The following DOK6 variants were observed in gnomAD, a reference collection of about 807,000 sequenced individuals.
The protein encoded by DOK6 is downstream of tyrosine kinase 6.
Under a neutral mutation model 44.0 loss-of-function variants are expected in DOK6, and 22 were observed. The ratio of observed to expected loss-of-function variants is 0.50; its 90% CI spans 0.36 to 0.71. The LOEUF is 0.71. Among genes scored for constraint, DOK6 ranks in the 30% least tolerant of loss-of-function variants. The pLI is 0.00. For synonymous variants in DOK6, 166 were observed against 145.5 expected (o/e 1.14, Z -1.01); for missense variants, 340 against 416.4 (o/e 0.82, Z 1.60).
At chr18:69,790,500 A>T (rs774665063) in intron 7 of DOK6, among the ~76,000 whole-genome samples, 6 of 152,220 alleles carry the variant, frequency 3.9e-5, no homozygotes, top group Non-Finnish European at 7.3e-5. Context: ...ATAATTAATT[A>T]TACAATCTGA....
rs538222715 is a variant in DOK6, at chr18:69,512,369, C to T, written c.67-52118C>T. On this transcript the variant is annotated intron_variant, in intron 1 of 7. Coordinates refer to ENST00000382713, the MANE Select transcript of DOK6 (RefSeq NM_152721.6). ...TTTTTTTTTTTTTTAGGTAGAGTCTCGCTCTGTCACCCAGGCCAGGCTGGA... is the reference window on the plus strand; with the variant it reads ...TTTTTTTTTTTTTTAGGTAGAGTCTTGCTCTGTCACCCAGGCCAGGCTGGA... Among the ~76,000 whole-genome samples, 13 of 125,570 alleles carry T rather than the reference C, an allele frequency of 1.0e-4. No homozygotes were observed. In the East Asian group the frequency reaches 2.6e-3, roughly 25 times the overall value. The allele number at this position is 125,570 out of a possible 152,430, so 82.4% of individuals were successfully genotyped here. A position where few individuals can be genotyped will look rare whatever the true frequency, so the allele number is the denominator to read the frequency against.
chr18:69,801,115 T>C (rs1011099794), intron 7 of DOK6, among the ~76,000 whole-genome samples: 1 of 144,050 alleles, frequency 6.9e-6, no homozygotes, highest in Non-Finnish European at 1.6e-5. Context: ...TTTTGTTTTG[T>C]TTTGTTTTGT....
intron 7 of DOK6, among the ~76,000 whole-genome samples, chr18:69,784,215 C>A (rs988544162): frequency 1.3e-5 from 2 of 152,018 alleles, no homozygotes; most frequent in African/African-American, 4.8e-5. Context: ...AATTTTCCAC[C>A]CTTTTGTTAA....
At chr18:69,547,984 C>A (rs1312180220) in intron 1 of DOK6, among the ~76,000 whole-genome samples, 1 of 147,892 alleles carries the variant, frequency 6.8e-6, no homozygotes, top group East Asian at 1.9e-4. Context: ...GAGACAGAGT[C>A]TCGCTGTCAC....
At chr18:69,567,947 C>A (rs1308470009) in intron 2 of DOK6, among the ~76,000 whole-genome samples, 1 of 152,228 alleles carries the variant, frequency 6.6e-6, no homozygotes, top group Non-Finnish European at 1.5e-5. Flanking sequence ...CCTGCCGCTC[C>A]CACTCACAGC....
chr18:69,770,751 GTTCCTC>G (rs1298615816), intron 7 of DOK6, among the ~76,000 whole-genome samples: 3 of 152,028 alleles, frequency 2.0e-5, no homozygotes, highest in Admixed American at 2.0e-4. Flanking sequence ...ATTCAAATGT[GTTCCTC>G]CCTCATTTCA....
chr18:69,841,235 C>T lies in DOK6; in HGVS notation c.857-9C>T, dbSNP rs1176110244. On this transcript the variant is annotated splice_polypyrimidine_tract_variant and intron_variant, in intron 7 of 7. Transcript: ENST00000382713. The stretch of plus-strand genomic sequence containing the variant: ...TTTCTCAGTAGAGCTCTCCTTTCTT[C>T]CTCTCTAGGTCATGGGTTTGGTTCG... 6.2e-7 allele frequency: 1 copy of T among 1,614,110 alleles called. No homozygotes were observed. Among genetic ancestry groups the T allele is most frequent in the Non-Finnish European group, 8.5e-7 (1 of 1,180,002 alleles).
At chr18:69,773,559 G>A (rs950714112) in intron 7 of DOK6, among the ~76,000 whole-genome samples, 4 of 151,940 alleles carry the variant, frequency 2.6e-5, no homozygotes, top group African/African-American at 4.8e-5. Flanking sequence ...CCTTGAGGAT[G>A]TTATGCTAAG....
chr18:69,747,015 C>T (rs1193288118), intron 6 of DOK6, among the ~76,000 whole-genome samples: 1 of 152,192 alleles, frequency 6.6e-6, no homozygotes, highest in Non-Finnish European at 1.5e-5. Flanking sequence ...AGCCATCTCT[C>T]ATTAGCCGTG....
intron 3 of DOK6, among the ~76,000 whole-genome samples, chr18:69,617,395 G>A (rs977037670): frequency 1.1e-4 from 17 of 149,934 alleles, no homozygotes; most frequent in African/African-American, 2.7e-4. Context: ...GAGAGAGAGA[G>A]AAAAGACTGA....
intron 1 of DOK6, among the ~76,000 whole-genome samples, chr18:69,436,890 T>G (rs528854107): frequency 6.6e-6 from 1 of 152,350 alleles, no homozygotes; most frequent in Non-Finnish European, 1.5e-5. Flanking sequence ...TGGTTTTGCT[T>G]TGCATTTCTC....
chr18:69,696,468 A>T (rs1433889943), intron 4 of DOK6, among the ~76,000 whole-genome samples: 1 of 152,216 alleles, frequency 6.6e-6, no homozygotes, highest in Non-Finnish European at 1.5e-5. Flanking sequence ...ATTTAGTGGC[A>T]TTTTGGCAAT....
chr18:69,777,088 C>G (rs542705603), intron 7 of DOK6, among the ~76,000 whole-genome samples: 1 of 150,194 alleles, frequency 6.7e-6, no homozygotes, highest in Middle Eastern at 3.2e-3. Context: ...CACATGTATA[C>G]GTATATAACT....
At chr18:69,696,022 G>T (rs2144700757) in intron 4 of DOK6, among the ~76,000 whole-genome samples, 1 of 152,302 alleles carries the variant, frequency 6.6e-6, no homozygotes, top group African/African-American at 2.4e-5. Flanking sequence ...AGGGCAAGTT[G>T]TCCAGTTGCT....
intron 5 of DOK6, among the ~76,000 whole-genome samples, chr18:69,720,800 G>A (rs574187690): frequency 2.1e-4 from 32 of 152,030 alleles, no homozygotes; most frequent in Admixed American, 1.5e-3. Context: ...AAAATAAAAC[G>A]AAAAAATTCT....
At chr18:69,719,993 C>G (rs1353329370) in intron 5 of DOK6, among the ~76,000 whole-genome samples, 1 of 152,078 alleles carries the variant, frequency 6.6e-6, no homozygotes, top group Admixed American at 6.5e-5. Flanking sequence ...AGTTCGAGAC[C>G]ACCCTGGGCT....
intron 1 of DOK6, among the ~76,000 whole-genome samples, chr18:69,556,730 C>T (rs1223949438): frequency 1.3e-5 from 2 of 152,166 alleles, no homozygotes; most frequent in African/African-American, 4.8e-5. Context: ...TATCTGTGTA[C>T]CTATCTATGG....
intron 5 of DOK6, among the ~76,000 whole-genome samples, chr18:69,712,259 C>A (rs1233446869): frequency 2.7e-5 from 3 of 109,622 alleles, no homozygotes; most frequent in African/African-American, 7.2e-5. Context: ...CCAGCCTGGG[C>A]GACAGAGCGA....
chr18:69,757,749 CT>C lies in DOK6; in HGVS notation c.739-3del. On this transcript the variant is annotated splice_region_variant and splice_polypyrimidine_tract_variant and intron_variant, in intron 6 of 7. Coordinates refer to ENST00000382713, the MANE Select transcript of DOK6 (RefSeq NM_152721.6). ...CGAGGCCTAAAACACATTCTTTTCT[CT>C]TTTAGCTTCAGACAAGCTTGACTGA... The C allele has an allele frequency of 6.2e-7, 1 of 1,611,732 alleles. No homozygotes were observed.
Sources: gnomAD v4.1 joint callset for allele counts (sites outside exome capture counted in the v4.1 genomes callset) on GRCh38, gnomAD v4.1.1 for gene constraint, MANE v1.5 for transcripts, NCBI Gene and HGNC (gene_info 2026-07-23, HGNC 2026-07-21) for gene names.